Variants in CSMD1 observed in about 807,000 individuals in gnomAD.
CSMD1 encodes the protein CUB and Sushi multiple domains 1, also known as CUB and sushi domain-containing protein 1.
Under a neutral mutation model 417.5 loss-of-function variants are expected in CSMD1, and 213 were observed. That is an observed-to-expected ratio of 0.51 (90% confidence interval 0.46 to 0.57). The LOEUF is 0.57. Among genes scored for constraint, CSMD1 ranks in the 20% least tolerant of loss-of-function variants. The probability of loss-of-function intolerance (pLI) is 0.00; values close to 1 mark genes in which losing one functional copy is unlikely to be tolerated. For synonymous variants in CSMD1, 2,862 were observed against 1,736.8 expected (o/e 1.65, Z -16.11); for missense variants, 6,923 against 4,529.7 (o/e 1.53, Z -15.17).
intron 1 of CSMD1, among the ~76,000 whole-genome samples, chr8:4,682,967 T>C (rs1339392566): frequency 7.9e-6 from 1 of 126,774 alleles, no homozygotes; most frequent in Non-Finnish European, 1.7e-5. Context: ...TATATATATA[T>C]ATATATATAT....
intron 23 of CSMD1, among the ~76,000 whole-genome samples, chr8:3,314,471 C>G (rs1031184216): frequency 1.3e-5 from 2 of 152,100 alleles, no homozygotes; most frequent in Admixed American, 1.3e-4. Flanking sequence ...AATACTGGTT[C>G]TGTATTTGCT....
rs368664375 is a variant in CSMD1 at position 3,645,967 on chromosome 8, T to C, written c.1010-29170A>G. ...AACAGTATCATAAAATAATTAAATT[T>C]AGAAAAAAACTAGCTATAATTGTAT... On this transcript the variant is annotated intron_variant, in intron 7 of 69. Coordinates refer to ENST00000635120, the MANE Select transcript of CSMD1 (RefSeq NM_033225.6). Among the ~76,000 whole-genome samples, 56 of 151,924 alleles carry C rather than the reference T, an allele frequency of 3.7e-4. No individual in the cohort carries two copies. In the East Asian group the frequency reaches 6.0e-3, roughly 16 times the overall value.
At chr8:3,986,287 C>T (rs1814315329) in intron 5 of CSMD1, among the ~76,000 whole-genome samples, 1 of 152,132 alleles carries the variant, frequency 6.6e-6, no homozygotes. Context: ...CTCTACAATC[C>T]TTCCCTATGT....
intron 5 of CSMD1, among the ~76,000 whole-genome samples, chr8:3,923,723 C>T (rs567766117): frequency 2.6e-5 from 4 of 152,210 alleles, no homozygotes; most frequent in African/African-American, 9.6e-5. Flanking sequence ...TCTTATGCTT[C>T]CTGTCTCACT....
rs183085945 is a variant in CSMD1 at position 4,470,147 on chromosome 8, G to A, written c.303-50082C>T. ...GGCCTCCCAAAGGGCTGGGATTACA[G>A]GTGGCCTTTGGTTTTCATAACCTCA... On this transcript the variant is annotated intron_variant, in intron 2 of 69. Coordinates refer to ENST00000635120, the MANE Select transcript of CSMD1 (RefSeq NM_033225.6). Among the ~76,000 whole-genome samples, 440 of 152,146 alleles carry A rather than the reference G, an allele frequency of 2.9e-3. 2 individuals carry two copies. The highest frequency in any genetic ancestry group is 0.01 in the African/African-American group (421 of 41,516).
At chr8:3,658,002 G>A (rs1798216773) in intron 7 of CSMD1, among the ~76,000 whole-genome samples, 1 of 152,228 alleles carries the variant, frequency 6.6e-6, no homozygotes, top group African/African-American at 2.4e-5. Context: ...AGAAGTTTGG[G>A]ATTTGGAGAA....
At chr8:2,960,961 T>TATATATATATAC (rs1408815262) in intron 62 of CSMD1, among the ~76,000 whole-genome samples, 180 bp downstream of exon 62, 197 of 130,844 alleles carry the variant, frequency 1.5e-3, no homozygotes, top group Admixed American at 3.2e-3. Context: ...TATATATATA[T>TATATATATATAC]ATATACATAT....
intron 49 of CSMD1, among the ~76,000 whole-genome samples, chr8:3,063,173 T>G (rs1009296884): frequency 2.0e-5 from 3 of 152,202 alleles, no homozygotes; most frequent in Non-Finnish European, 4.4e-5. Context: ...ATCTGCATTT[T>G]GGAGCCTATC....
intron 3 of CSMD1, among the ~76,000 whole-genome samples, chr8:4,255,343 T>A (rs1203957080): frequency 1.3e-5 from 2 of 152,204 alleles, no homozygotes; most frequent in African/African-American, 4.8e-5. Context: ...TCTGCAGTCA[T>A]TGTTCTTGAG....
At chr8:4,975,385 A>T (rs1810490283) in intron 1 of CSMD1, among the ~76,000 whole-genome samples, 2 of 152,248 alleles carry the variant, frequency 1.3e-5, no homozygotes, top group Admixed American at 1.3e-4. Context: ...TATTCCTTTT[A>T]CTTCCTGGCT....
rs373310120 is a variant in CSMD1, at chr8:3,409,595, C to A, written c.1572G>T (p.Lys524Asn). ...GFKAVYQEIE[K>N]GGCGDPGIPA... ...GGATTCCAGGATCCCCACACCCTCCCTTTTCAATTTCTGAAAATGGAAAAA... is the reference window on the plus strand; with the variant it reads ...GGATTCCAGGATCCCCACACCCTCCATTTTCAATTTCTGAAAATGGAAAAA... The change falls in exon 13 of 70, where the codon AAG becomes AAT. Residue 524 changes from lysine to asparagine, a missense_variant. Transcript: ENST00000635120. 1.1e-4 allele frequency: 168 copies of A among 1,585,068 alleles called. No homozygotes were observed. The highest frequency in any genetic ancestry group is 1.4e-4 in the Non-Finnish European group (161 of 1,163,272).
intron 23 of CSMD1, among the ~76,000 whole-genome samples, chr8:3,311,627 A>G (rs957670491): frequency 6.6e-6 from 1 of 152,190 alleles, no homozygotes; most frequent in Admixed American, 6.5e-5. Context: ...GAAATGAAAA[A>G]CAGATGGTTG....
chr8:3,325,754 G>T (rs1432437364), intron 23 of CSMD1, among the ~76,000 whole-genome samples: 2 of 152,230 alleles, frequency 1.3e-5, no homozygotes, highest in African/African-American at 4.8e-5. Flanking sequence ...AACCCGGGAG[G>T]CAGAGGTTGC....
chr8:4,856,738 C>A, intron 1 of CSMD1, among the ~76,000 whole-genome samples: 1 of 149,236 alleles, frequency 6.7e-6, no homozygotes, highest in South Asian at 2.2e-4. Context: ...TATATGCACC[C>A]AATACAGGAG....
chr8:3,365,467 T>A (rs1475108807), intron 20 of CSMD1, among the ~76,000 whole-genome samples: 6 of 152,232 alleles, frequency 3.9e-5, no homozygotes, highest in African/African-American at 1.4e-4. Context: ...CTTATTACAG[T>A]TGACTCTTGA....
chr8:4,989,023 T>C (rs1811325783), intron 1 of CSMD1, among the ~76,000 whole-genome samples: 1 of 152,248 alleles, frequency 6.6e-6, no homozygotes, highest in South Asian at 2.1e-4. Flanking sequence ...CTTAAGGTCA[T>C]TTTAAAGTCC....
intron 7 of CSMD1, among the ~76,000 whole-genome samples, chr8:3,623,148 TAA>T (rs1318778246): frequency 2.6e-5 from 4 of 152,224 alleles, no homozygotes. Context: ...AGACAGTTTG[TAA>T]AAGAGTTTAA....
chr8:3,811,596 C>G (rs1365972448), intron 5 of CSMD1, among the ~76,000 whole-genome samples: 1 of 152,124 alleles, frequency 6.6e-6, no homozygotes, highest in East Asian at 1.9e-4. Context: ...GGGACAACCA[C>G]AGGCACACAC....
chr8:3,481,719 G>A (rs1019004734), intron 11 of CSMD1, among the ~76,000 whole-genome samples: 22 of 152,306 alleles, frequency 1.4e-4, no homozygotes, highest in Non-Finnish European at 3.2e-4. Flanking sequence ...TCGTGACTCT[G>A]AATTCAGAGA....
Sources: gnomAD v4.1 joint callset for allele counts (sites outside exome capture counted in the v4.1 genomes callset) on GRCh38, gnomAD v4.1.1 for gene constraint, MANE v1.5 for transcripts, NCBI Gene and HGNC (gene_info 2026-07-23, HGNC 2026-07-21) for gene names.